The following XKR5 variants were observed in gnomAD, a reference collection of about 807,000 sequenced individuals.
XKR5 encodes XK-related protein 5.
XKR5 carries 46 observed loss-of-function variants against 40.8 expected under a neutral mutation model. That is an observed-to-expected ratio of 1.13 (90% CI 0.89 to 1.44). XKR5 has a LOEUF of 1.44. XKR5 is among the 40% of genes most tolerant of loss of function. XKR5 has a pLI of 0.00. For synonymous variants in XKR5, 466 were observed against 356.1 expected (o/e 1.31, Z -3.48); for missense variants, 1,169 against 844.7 (o/e 1.38, Z -4.76).
At chr8:6,823,149 G>A (rs1191641607) in intron 4 of XKR5, among the ~76,000 whole-genome samples, 3 of 152,190 alleles carry the variant, frequency 2.0e-5, no homozygotes, top group Admixed American at 6.5e-5. Context: ...CCCTGGATGT[G>A]TACTCATCGG....
At chr8:6,815,396 C>G (rs1803909800) in intron 6 of XKR5, among the ~76,000 whole-genome samples, 1 of 152,130 alleles carries the variant, frequency 6.6e-6, no homozygotes, top group Admixed American at 6.5e-5. Context: ...CTCTGTGCCT[C>G]ACCTTCCTCT....
In XKR5 at chr8:6,825,267, G is replaced by A. The variant is rs1804410519; in HGVS notation, c.325C>T (p.Leu109=). 1 of 1,611,982 alleles carries A rather than the reference G, an allele frequency of 6.2e-7. No homozygotes were observed. Among genetic ancestry groups the A allele is most frequent in the Non-Finnish European group, 8.5e-7 (1 of 1,179,294 alleles). The change falls in exon 3 of 7, where the codon CTG becomes TTG. Residue 109 remains leucine (L), a synonymous_variant. Transcript: ENST00000618742. ...RGWLQLQEAD[L]SALRLLEALL... is the part of the protein sequence containing the mutation. ...GCCTCCAAGAGTCGAAGGGCCGACA[G>A]GTCGGCCTCCTGCAGCTGCAGCCAG...
intron 4 of XKR5, among the ~76,000 whole-genome samples, chr8:6,823,056 G>A (rs990136048): frequency 6.6e-6 from 1 of 152,184 alleles, no homozygotes; most frequent in Non-Finnish European, 1.5e-5. Flanking sequence ...CTCTGCTCCA[G>A]ATTTAGCTGG....
intron 5 of XKR5, among the ~76,000 whole-genome samples, chr8:6,818,500 T>A (rs1804070263): frequency 6.6e-6 from 1 of 152,254 alleles, no homozygotes; most frequent in Non-Finnish European, 1.5e-5. Flanking sequence ...TGTGTGCTGA[T>A]GTGAATAAAC....
chr8:6,834,534 C>G (rs1253508640), intron 1 of XKR5, among the ~76,000 whole-genome samples: 1 of 152,248 alleles, frequency 6.6e-6, no homozygotes, highest in Non-Finnish European at 1.5e-5. Flanking sequence ...CTCAGCCCTT[C>G]CAGTCCGGGG....
At chr8:6,827,584 G>C (rs560534513) in intron 2 of XKR5, among the ~76,000 whole-genome samples, 1 of 152,280 alleles carries the variant, frequency 6.6e-6, no homozygotes, top group East Asian at 1.9e-4. Flanking sequence ...TTCTTACTGT[G>C]TCTTGATTCC....
chr8:6,812,947 G>C (rs1000449000), intron 6 of XKR5, among the ~76,000 whole-genome samples: 3 of 152,246 alleles, frequency 2.0e-5, no homozygotes, highest in African/African-American at 7.2e-5. Context: ...ATTTTGATCA[G>C]AAGTGTTGAC....
chr8:6,829,993 A>G (rs1219025904), intron 2 of XKR5, among the ~76,000 whole-genome samples: 17 of 151,296 alleles, frequency 1.1e-4, no homozygotes, highest in East Asian at 3.9e-4. Flanking sequence ...GCCCGCCACC[A>G]CGCCCGGCTA....
chr8:6,813,723 C>T (rs1803839420), intron 6 of XKR5, among the ~76,000 whole-genome samples: 1 of 152,094 alleles, frequency 6.6e-6, no homozygotes, highest in South Asian at 2.1e-4. Flanking sequence ...TGGCTATGGG[C>T]TCCCTACTCA....
At chr8:6,816,556 A>C (rs1436876926) in intron 5 of XKR5, among the ~76,000 whole-genome samples, 1 of 151,884 alleles carries the variant, frequency 6.6e-6, no homozygotes, top group East Asian at 1.9e-4. Context: ...TTTAAATATA[A>C]AAAGATACGT....
At chr8:6,815,381 A>T (rs1278394069) in intron 6 of XKR5, among the ~76,000 whole-genome samples, 1 of 151,868 alleles carries the variant, frequency 6.6e-6, no homozygotes, top group Non-Finnish European at 1.5e-5. Context: ...CGGGGACTCA[A>T]CCTCCTCTGT....
intron 6 of XKR5, among the ~76,000 whole-genome samples, chr8:6,814,161 C>T (rs933505158): frequency 6.6e-6 from 1 of 152,206 alleles, no homozygotes; most frequent in African/African-American, 2.4e-5. Flanking sequence ...TCCTCAGTTT[C>T]CCATAGGCCA....
chr8:6,817,467 G>A, intron 5 of XKR5, among the ~76,000 whole-genome samples: 1 of 151,886 alleles, frequency 6.6e-6, no homozygotes, highest in Non-Finnish European at 1.5e-5. Flanking sequence ...TGGCCAACGA[G>A]AACTCCAGAC....
At position 6,812,074 on chromosome 8, in the gene XKR5, C is replaced by A; in HGVS notation, c.1185G>T (p.Val395=). ...PEAGLGTQVA[V]EDSFLSHHHW... The stretch of plus-strand genomic sequence containing the variant: ...GGTGATGACTGAGGAAAGAGTCCTC[C>A]ACAGCAACCTGGGTCCCCAGCCCAG... Residue 395 remains valine (V), a synonymous_variant, in exon 7 of 7, where the codon GTG becomes GTT. Transcript: ENST00000618742. 1 of 1,541,338 alleles carries A rather than the reference C, an allele frequency of 6.5e-7. No individual in the cohort carries two copies. Among genetic ancestry groups the A allele is most frequent in the Non-Finnish European group, 8.7e-7 (1 of 1,146,964 alleles).
In XKR5 at chr8:6,821,872, G is replaced by A. The variant is rs1326836228; in HGVS notation, c.804C>T (p.Tyr268=). ...SPSRNRMVTF[Y]MVMLLENIIL... Reference sequence around the variant, plus strand: ...GATAAAGAAAAGTGCCACTTGCCATGTAGAACGTGACCATCCTATTTCTAG... The same window carrying A: ...GATAAAGAAAAGTGCCACTTGCCATATAGAACGTGACCATCCTATTTCTAG... Residue 268 remains tyrosine, a synonymous_variant, in exon 5 of 7, where the codon TAC becomes TAT. Transcript: ENST00000618742. 5 of 1,613,050 alleles carry A rather than the reference G, an allele frequency of 3.1e-6. No homozygotes were observed. Among genetic ancestry groups the A allele is most frequent in the East Asian group, 4.5e-5 (2 of 44,874 alleles).
chr8:6,820,047 C>A (rs913792402), intron 5 of XKR5, among the ~76,000 whole-genome samples: 3 of 152,246 alleles, frequency 2.0e-5, no homozygotes, highest in African/African-American at 4.8e-5. Flanking sequence ...TAGCAACAAC[C>A]ATTTCAGAGA....
At position 6,809,665 on chromosome 8, in the gene XKR5, TGGCCAGGA is replaced by T. The variant is rs1301736383; in HGVS notation, c.*1525_*1532del. On this transcript the variant is annotated 3_prime_UTR_variant, in exon 7 of 7. Transcript: ENST00000618742. Reference sequence around the variant, plus strand: ...TGCATCCCCGATTGGCTTATGTGGCTGGCCAGGAGGATGCTGATGGTCTGAGAGCTTAT... The same window carrying T: ...TGCATCCCCGATTGGCTTATGTGGCTGGATGCTGATGGTCTGAGAGCTTAT... 7.2e-5 allele frequency: 11 copies of T among 152,254 alleles called. No individual in the cohort carries two copies. The highest frequency in any genetic ancestry group is 2.7e-4 in the African/African-American group (11 of 41,470). 9.4% of individuals were successfully genotyped at this position (152,254 alleles called of 1,614,324 possible). A position where few individuals can be genotyped will look rare whatever the true frequency, so the allele number is the denominator to read the frequency against.
At chr8:6,825,586 C>A (rs951364121) in intron 2 of XKR5, among the ~76,000 whole-genome samples, 1 of 151,642 alleles carries the variant, frequency 6.6e-6, no homozygotes, top group Non-Finnish European at 1.5e-5. Context: ...ACGTCTGGTA[C>A]CCCAGTACCT....
intron 5 of XKR5, among the ~76,000 whole-genome samples, chr8:6,817,463 A>G (rs998135107): frequency 6.6e-6 from 1 of 151,926 alleles, no homozygotes; most frequent in Non-Finnish European, 1.5e-5. Flanking sequence ...ACCCTGGCCA[A>G]CGAGAACTCC....
Sources: allele counts gnomAD v4.1 joint callset (sites outside exome capture counted in the v4.1 genomes callset), GRCh38; gene constraint gnomAD v4.1.1; transcripts MANE v1.5; gene names NCBI Gene and HGNC (gene_info 2026-07-23, HGNC 2026-07-21).